The following PDIA5 variants were observed in gnomAD, a reference collection of about 807,000 sequenced individuals.
The protein encoded by PDIA5 is protein disulfide isomerase family A member 5.
PDIA5 carries 58 observed loss-of-function variants against 77.6 expected under a neutral mutation model. The observed-to-expected ratio is 0.75, with a 90% CI of 0.61 to 0.93. PDIA5 has a LOEUF of 0.93. Ranked by LOEUF, PDIA5 falls within the 40% of genes least tolerant of loss-of-function variation. The pLI is 0.00. For synonymous variants in PDIA5, 250 were observed against 252.1 expected, an observed-to-expected ratio of 0.99 and a Z score of 0.08; for missense variants, 630 against 647.7, an observed-to-expected ratio of 0.97 and a Z score of 0.30.
At chr3:123,151,625 C>A (rs1035522878) in intron 14 of PDIA5, among the ~76,000 whole-genome samples, 25 of 152,358 alleles carry the variant, frequency 1.6e-4, no homozygotes, top group Non-Finnish European at 2.9e-4. Flanking sequence ...GACATAAGCC[C>A]CCCGCCACCC....
chr3:123,091,324 A>G (rs959629907), intron 2 of PDIA5, among the ~76,000 whole-genome samples: 1 of 152,108 alleles, frequency 6.6e-6, no homozygotes, highest in Non-Finnish European at 1.5e-5. Context: ...TTCAGACATC[A>G]TTTCTGCTTG....
chr3:123,149,273 C>T (rs1007350591), intron 13 of PDIA5, among the ~76,000 whole-genome samples: 1 of 152,204 alleles, frequency 6.6e-6, no homozygotes, highest in Non-Finnish European at 1.5e-5. Context: ...AGAGGTGAGG[C>T]CTTAAGTTCT....
At chr3:123,110,326 G>A (rs9857140) in intron 6 of PDIA5, among the ~76,000 whole-genome samples, 26,028 of 152,180 alleles carry the variant, frequency 0.17, 2,671 homozygotes, top group Admixed American at 0.3. Flanking sequence ...CCTCCTGGAG[G>A]GTGGAGCAGG....
chr3:123,150,014 G>T (rs902462857), intron 13 of PDIA5, among the ~76,000 whole-genome samples: 1 of 152,308 alleles, frequency 6.6e-6, no homozygotes, highest in East Asian at 1.9e-4. Flanking sequence ...TTACAAAATG[G>T]CTCCTTAATG....
chr3:123,099,055 G>GCACA (rs1934515858), intron 3 of PDIA5, among the ~76,000 whole-genome samples: 1 of 140,104 alleles, frequency 7.1e-6, no homozygotes, highest in African/African-American at 2.7e-5. Context: ...ACACATGCTT[G>GCACA]CGCACACACA....
At chr3:123,151,734 TCCTGCCTG>T (rs67239583) in intron 14 of PDIA5, among the ~76,000 whole-genome samples, 1,894 of 111,436 alleles carry the variant, frequency 0.017, 47 homozygotes, top group African/African-American at 0.057. Context: ...ACTCCTTCCT[TCCTGCCTG>T]CCTGCCTGCC....
chr3:123,146,662 G>A (rs928368706), intron 13 of PDIA5, among the ~76,000 whole-genome samples: 37 of 152,318 alleles, frequency 2.4e-4, no homozygotes, highest in African/African-American at 8.9e-4. Context: ...TGTCCACAGG[G>A]CAGGCTATGG....
chr3:123,098,677 A>G (rs906967856), intron 3 of PDIA5, among the ~76,000 whole-genome samples: 51 of 151,534 alleles, frequency 3.4e-4, no homozygotes, highest in African/African-American at 1.2e-3. Flanking sequence ...GGAGCAGATC[A>G]GTGGCCTTGA....
intron 13 of PDIA5, among the ~76,000 whole-genome samples, chr3:123,146,567 AT>A (rs535047162): frequency 5.3e-5 from 8 of 152,290 alleles, no homozygotes; most frequent in Middle Eastern, 3.4e-3. Context: ...CTCCCTTTGA[AT>A]AAATGAAGGA....
chr3:123,146,245 C>T lies in PDIA5; in HGVS notation c.1128C>T (p.Leu376=), dbSNP rs556508274. ...TGCTCAGGACAAAGAAGAAGTTTCT[C>T]GAGTGGATGCAAAAGTAAGTGTTAC... ...VPVLRTKKKF[L]EWMQNPEAPP... is the part of the protein sequence containing the mutation. Residue 376 remains leucine, a synonymous_variant, in exon 13 of 17, where the codon CTC becomes CTT. Transcript: ENST00000316218. 147 of 1,613,848 alleles carry T rather than the reference C, an allele frequency of 9.1e-5. No homozygotes were observed. The South Asian group carries it at 1.3e-3, about 14-fold the overall frequency.
intron 1 of PDIA5, among the ~76,000 whole-genome samples, chr3:123,085,234 C>T (rs531916576): frequency 1.4e-4 from 22 of 152,286 alleles, no homozygotes; most frequent in East Asian, 9.6e-4. Flanking sequence ...GCTTTCAATG[C>T]GCCAGGCCTT....
At chr3:123,151,771 C>CCTGT (rs1553805768) in intron 14 of PDIA5, among the ~76,000 whole-genome samples, 8 of 143,548 alleles carry the variant, frequency 5.6e-5, no homozygotes. Flanking sequence ...TGCCTGCCTG[C>CCTGT]CTGCCTGCCT....
chr3:123,115,709 G>A (rs773890637), intron 7 of PDIA5, among the ~76,000 whole-genome samples: 7 of 152,342 alleles, frequency 4.6e-5, no homozygotes, highest in African/African-American at 9.6e-5. Context: ...CCTGCCTCTG[G>A]TCATTGCTTA....
chr3:123,123,596 G>A (rs1935168761), intron 8 of PDIA5, among the ~76,000 whole-genome samples: 1 of 152,240 alleles, frequency 6.6e-6, no homozygotes, highest in African/African-American at 2.4e-5. Flanking sequence ...AGGTATCCAG[G>A]AAGGTGTCTA....
chr3:123,130,781 G>C (rs1044745259), intron 11 of PDIA5, among the ~76,000 whole-genome samples, 165 bp downstream of exon 11: 1 of 152,136 alleles, frequency 6.6e-6, no homozygotes, highest in Non-Finnish European at 1.5e-5. Context: ...CACCCTCGTA[G>C]TGCACATGGC....
rs770153093 is a variant in PDIA5, at chr3:123,161,989, A to G, written c.*29A>G. 1 of 1,294,442 alleles carries G rather than the reference A, an allele frequency of 7.7e-7. No individual in the cohort carries two copies. Among genetic ancestry groups the G allele is most frequent in the Admixed American group, 1.8e-5 (1 of 56,930 alleles). 80.2% of individuals were successfully genotyped at this position (1,294,442 alleles called of 1,614,324 possible). On this transcript the variant is annotated 3_prime_UTR_variant, in exon 17 of 17. Transcript: ENST00000316218. ...CTGCCTCAGAAAAAGCTTTTCCATT[A>G]CACTGTGAATGATACCTGTTTTGTT...
At chr3:123,134,108 C>T (rs570569462) in intron 11 of PDIA5, among the ~76,000 whole-genome samples, 12 of 152,184 alleles carry the variant, frequency 7.9e-5, no homozygotes, top group East Asian at 5.8e-4. Flanking sequence ...ACTGCAGCCT[C>T]GACCTCCTGG....
chr3:123,130,800 C>A (rs1015294139), intron 11 of PDIA5, among the ~76,000 whole-genome samples, 184 bp downstream of exon 11: 1 of 152,174 alleles, frequency 6.6e-6, no homozygotes, highest in Non-Finnish European at 1.5e-5. Context: ...GCCTACCCCC[C>A]ATTGCCATGG....
chr3:123,107,424 G>A (rs9841312), intron 6 of PDIA5, among the ~76,000 whole-genome samples: 27,493 of 152,062 alleles, frequency 0.18, 2,949 homozygotes, highest in Admixed American at 0.31. Flanking sequence ...TTGTGGTAGC[G>A]GGTGCCTGTG....
Sources: gnomAD v4.1 joint callset for allele counts (sites outside exome capture counted in the v4.1 genomes callset) on GRCh38, gnomAD v4.1.1 for gene constraint, MANE v1.5 for transcripts, NCBI Gene and HGNC (gene_info 2026-07-23, HGNC 2026-07-21) for gene names.